The following PSMD14 variants were observed in gnomAD, a reference collection of about 807,000 sequenced individuals.
The protein encoded by PSMD14 is ubiquitin C-terminal hydrolase PSMD14.
PSMD14 carries 7 observed loss-of-function variants against 41.2 expected under a neutral mutation model. The ratio of observed to expected loss-of-function variants is 0.17; its 90% CI spans 0.10 to 0.32. PSMD14 has a LOEUF of 0.32. Ranked by LOEUF, PSMD14 falls within the 10% of genes least tolerant of loss-of-function variation. The pLI is 1.00. For synonymous variants in PSMD14, 114 were observed against 122.3 expected (o/e 0.93, Z 0.45); for missense variants, 139 against 375.6 (o/e 0.37, Z 5.21).
chr2:161,369,525 A>G (rs1380579568), intron 5 of PSMD14, among the ~76,000 whole-genome samples: 3 of 152,096 alleles, frequency 2.0e-5, no homozygotes, highest in Non-Finnish European at 4.4e-5. Context: ...TGCTTATGTT[A>G]ACTAGTTTCT....
chr2:161,327,945 G>GGTGTGTGTGTGTGTGT, intron 3 of PSMD14, among the ~76,000 whole-genome samples: 1 of 23,486 alleles, frequency 4.3e-5, no homozygotes, highest in Admixed American at 4.0e-4. Flanking sequence ...TCTCATGTAA[G>GGTGTGTGTGTGTGTGT]CTGTGTGTGT....
intron 3 of PSMD14, among the ~76,000 whole-genome samples, chr2:161,327,946 C>CTGTG (rs369674882): frequency 0.027 from 3,179 of 117,132 alleles, 147 homozygotes; most frequent in East Asian, 0.2. Flanking sequence ...CTCATGTAAG[C>CTGTG]TGTGTGTGTG....
chr2:161,399,658 A>C (rs1218255761), intron 10 of PSMD14, among the ~76,000 whole-genome samples: 3 of 152,168 alleles, frequency 2.0e-5, no homozygotes, highest in Non-Finnish European at 4.4e-5. Context: ...TGGTGTATAA[A>C]CATGGAAAAG....
At chr2:161,367,600 G>A in intron 4 of PSMD14, 51 bp downstream of exon 4, 1 of 1,492,472 alleles carries the variant, frequency 6.7e-7, no homozygotes. Context: ...TGCTTTCACT[G>A]TATCTTTTAC....
intron 3 of PSMD14, among the ~76,000 whole-genome samples, chr2:161,335,281 T>G (rs1354044009): frequency 6.6e-6 from 1 of 152,230 alleles, no homozygotes; most frequent in Non-Finnish European, 1.5e-5. Flanking sequence ...AAGATAATTC[T>G]ATGTTAGTAT....
At chr2:161,348,717 A>G (rs1683078819) in intron 3 of PSMD14, among the ~76,000 whole-genome samples, 1 of 152,228 alleles carries the variant, frequency 6.6e-6, no homozygotes, top group Non-Finnish European at 1.5e-5. Flanking sequence ...TAAGATGAGA[A>G]TAGCGGTGAC....
intron 3 of PSMD14, among the ~76,000 whole-genome samples, chr2:161,360,945 G>A (rs1006798867): frequency 1.3e-5 from 2 of 152,134 alleles, no homozygotes; most frequent in Non-Finnish European, 2.9e-5. Context: ...CTGACTTCTT[G>A]TCATAAATGG....
chr2:161,327,666 T>C (rs143164022), intron 3 of PSMD14, among the ~76,000 whole-genome samples: 6 of 152,022 alleles, frequency 3.9e-5, no homozygotes, highest in Non-Finnish European at 7.4e-5. Context: ...AACAAACTTA[T>C]AAGACAAGCA....
intron 3 of PSMD14, among the ~76,000 whole-genome samples, chr2:161,356,735 A>G (rs1313897996): frequency 6.7e-6 from 1 of 148,346 alleles, no homozygotes; most frequent in Non-Finnish European, 1.5e-5. Context: ...AAAATAAGCC[A>G]TATGTAATAT....
At chr2:161,373,477 C>G (rs753269696) in intron 7 of PSMD14, among the ~76,000 whole-genome samples, 29 of 151,764 alleles carry the variant, frequency 1.9e-4, no homozygotes, top group Admixed American at 5.3e-4. Context: ...AGTGTCAAGT[C>G]CTCTCATCTC....
chr2:161,373,553 A>G (rs1683466701), intron 7 of PSMD14, among the ~76,000 whole-genome samples: 1 of 151,934 alleles, frequency 6.6e-6, no homozygotes. Flanking sequence ...ATACTTAGGA[A>G]TATAAACTTA....
intron 3 of PSMD14, among the ~76,000 whole-genome samples, chr2:161,337,515 T>C (rs1395903494): frequency 6.6e-6 from 1 of 152,220 alleles, no homozygotes; most frequent in Admixed American, 6.5e-5. Flanking sequence ...ACCTCAGACT[T>C]GGTCTTTCTA....
At chr2:161,371,127 A>G in intron 6 of PSMD14, 45 bp from the exon 7 acceptor site, 1 of 1,576,912 alleles carries the variant, frequency 6.3e-7, no homozygotes, top group East Asian at 2.2e-5. Flanking sequence ...TCATAAATGT[A>G]TTACTTGTTC....
Position 161,376,986 on chromosome 2 carries a change from G to A in PSMD14, c.462+5664G>A, listed in dbSNP as rs115185856. On this transcript the variant is annotated intron_variant, in intron 7 of 11. Coordinates refer to ENST00000409682, the MANE Select transcript of PSMD14 (RefSeq NM_005805.6). ...ATTTTTTATATGTCAGCATAGAGTC[G>A]TTTATTAAATGACTGGAACGTGTGA... Among the ~76,000 whole-genome samples the A allele has an allele frequency of 9.1e-3, 1,379 of 151,874 alleles. 22 individuals are homozygous for A. The highest frequency in any genetic ancestry group is 0.031 in the African/African-American group (1,305 of 41,466).
At chr2:161,330,745 T>G (rs1682775146) in intron 3 of PSMD14, among the ~76,000 whole-genome samples, 1 of 152,224 alleles carries the variant, frequency 6.6e-6, no homozygotes, top group South Asian at 2.1e-4. Context: ...TGCCCGTGAT[T>G]GCACAGGCTC....
At position 161,334,226 on chromosome 2, in the gene PSMD14, C is replaced by T. The variant is rs185995102; in HGVS notation, c.48+15353C>T. Among the ~76,000 whole-genome samples, 418 of 152,234 alleles carry T rather than the reference C, an allele frequency of 2.7e-3. 4 individuals carry two copies. Among genetic ancestry groups the T allele is most frequent in the Non-Finnish European group, 4.6e-3 (313 of 68,002 alleles). ...TGTTGCATGCCTGTAATCCCAACTA[C>T]TCAGGAGGCTGAGGCAGGAGAATCA... On this transcript the variant is annotated intron_variant, in intron 3 of 11. Transcript: ENST00000409682.
At chr2:161,349,686 T>A (rs1219670400) in intron 3 of PSMD14, among the ~76,000 whole-genome samples, 1 of 152,092 alleles carries the variant, frequency 6.6e-6, no homozygotes, top group East Asian at 1.9e-4. Context: ...CTTAATTACA[T>A]GATGAGGAGA....
intron 3 of PSMD14, among the ~76,000 whole-genome samples, chr2:161,347,503 C>G (rs1683061468): frequency 6.6e-6 from 1 of 152,152 alleles, no homozygotes; most frequent in Admixed American, 6.5e-5. Flanking sequence ...TCTCTCTACT[C>G]AGACGTTAGA....
At chr2:161,377,904 A>G (rs1056637148) in intron 7 of PSMD14, among the ~76,000 whole-genome samples, 8 of 151,938 alleles carry the variant, frequency 5.3e-5, no homozygotes, top group Non-Finnish European at 2.9e-5. Flanking sequence ...TTGGAATTAT[A>G]GAGAAGAATA....
Sources: gnomAD v4.1 joint callset for allele counts (sites outside exome capture counted in the v4.1 genomes callset) on GRCh38, gnomAD v4.1.1 for gene constraint, MANE v1.5 for transcripts, NCBI Gene and HGNC (gene_info 2026-07-23, HGNC 2026-07-21) for gene names.